The following HSPA12A variants were observed in gnomAD, a reference collection of about 807,000 sequenced individuals.
The protein encoded by HSPA12A is heat shock 70 kDa protein 12A.
A neutral mutation model predicts 69.2 loss-of-function variants in HSPA12A; 28 were observed. The ratio of observed to expected loss-of-function variants is 0.40; its 90% CI spans 0.30 to 0.55. HSPA12A has a LOEUF of 0.55. HSPA12A is among the 20% of genes least tolerant of loss of function. The pLI is 0.38. For missense variants in HSPA12A, 686 were observed against 900.7 expected, an observed-to-expected ratio of 0.76 and a Z score of 3.05; for synonymous variants, 345 against 370.5, an observed-to-expected ratio of 0.93 and a Z score of 0.79.
Position 116,675,118 on chromosome 10 carries a change from C to T in HSPA12A, c.1691G>A (p.Cys564Tyr). 6.2e-7 allele frequency: 1 copy of T among 1,613,890 alleles called. No homozygotes were observed. The highest frequency in any genetic ancestry group is 8.5e-7 in the Non-Finnish European group (1 of 1,180,006). The change falls in exon 12 of 12, where the codon TGC (cysteine) becomes TAC (tyrosine). Residue 564 changes from cysteine to tyrosine, a missense_variant. Physicochemically the swap from Cys to Tyr is radical, Grantham distance 194 (BLOSUM62 -2). Coordinates refer to ENST00000369209, the MANE Select transcript of HSPA12A (RefSeq NM_025015.3). This position sits in a 1 kb window ranked among gnomAD's most constrained non-coding sequence, Gnocchi z 5.2. ...KLLVKDGTRWCTDVFDKFISA... is the reference protein window; with the variant it reads ...KLLVKDGTRWYTDVFDKFISA... ...GATGAACTTGTCAAAGACGTCGGTGCACCACCGAGTGCCATCCTTCACCAG... is the reference window on the plus strand; with the variant it reads ...GATGAACTTGTCAAAGACGTCGGTGTACCACCGAGTGCCATCCTTCACCAG...
In HSPA12A at chr10:116,798,829, C is replaced by T. The variant is rs374976851; in HGVS notation, c.91+36106G>A. Reference sequence around the variant, plus strand: ...TCTTTGAACTGGAACTAAATCCATACGGTTTCTCCAATTATTGTCTTGGAA... The same window carrying T: ...TCTTTGAACTGGAACTAAATCCATATGGTTTCTCCAATTATTGTCTTGGAA... On this transcript the variant is annotated intron_variant, in intron 2 of 12. Transcript: ENST00000635765. Among the ~76,000 whole-genome samples, 256 of 152,264 alleles carry T rather than the reference C, an allele frequency of 1.7e-3. 2 individuals are homozygous for T. Among genetic ancestry groups the T allele is most frequent in the African/African-American group, 5.7e-3 (236 of 41,544 alleles).
chr10:116,778,755 C>T (rs996275092), intron 2 of HSPA12A, among the ~76,000 whole-genome samples: 13 of 151,952 alleles, frequency 8.6e-5, no homozygotes, highest in African/African-American at 3.1e-4. Context: ...TGATGGGACC[C>T]GCTATGAAAA....
At position 116,701,267 on chromosome 10, in the gene HSPA12A, A is replaced by G. The variant is rs1850070458; in HGVS notation, c.255-138T>C. The stretch of plus-strand genomic sequence containing the variant: ...GGCACTCTGCTTCAGCTGGATGAGC[A>G]GCTACTAGAGACACAACTTCAGTTA... On this transcript the variant is annotated intron_variant, in intron 3 of 11. Coordinates refer to ENST00000369209, the MANE Select transcript of HSPA12A (RefSeq NM_025015.3). 5 of 732,928 alleles carry G rather than the reference A, an allele frequency of 6.8e-6. 1 individual carries two copies. In the South Asian group the frequency reaches 9.2e-5, roughly 13 times the overall value. 45.4% of individuals were successfully genotyped at this position (732,928 alleles called of 1,614,324 possible).
At chr10:116,849,614 G>A in exon 1 of HSPA12A, 1 of 1,550,016 alleles carries the variant, frequency 6.5e-7, no homozygotes, top group South Asian at 1.2e-5. Flanking sequence ...CTAGGGAGCT[G>A]CAGAAGCTGA....
intron 1 of HSPA12A, among the ~76,000 whole-genome samples, chr10:116,739,053 A>C (rs1156355327): frequency 5.9e-5 from 9 of 152,136 alleles, no homozygotes; most frequent in Non-Finnish European, 1.3e-4. Context: ...TACCATCTAC[A>C]GCTTGGTGGC....
chr10:116,756,567 G>A (rs1473308529), intron 2 of HSPA12A, among the ~76,000 whole-genome samples: 1 of 152,226 alleles, frequency 6.6e-6, no homozygotes, highest in Admixed American at 6.5e-5. Context: ...GCCCATGTGG[G>A]TGGGGCTCAC....
At position 116,672,717 on chromosome 10, in the gene HSPA12A, C is replaced by A. The variant is rs1249268755; in HGVS notation, c.*2064G>T. 1.3e-5 allele frequency: 2 copies of A among 152,592 alleles called. No individual in the cohort carries two copies. The highest frequency in any genetic ancestry group is 4.8e-5 in the African/African-American group (2 of 41,426). The allele number at this position is 152,592 out of a possible 1,614,324, so 9.5% of individuals were successfully genotyped here. On this transcript the variant is annotated 3_prime_UTR_variant, in exon 12 of 12. Transcript: ENST00000369209. ...GTACAATATTCTAACATTATATGTA[C>A]ATAAAATTATATTACTCATAACTAT...
At chr10:116,715,935 C>T (rs1173151543) in intron 1 of HSPA12A, among the ~76,000 whole-genome samples, 2 of 152,164 alleles carry the variant, frequency 1.3e-5, no homozygotes, top group Non-Finnish European at 2.9e-5. Context: ...TGAGGCTGGT[C>T]GGCCCAGTAG....
At chr10:116,773,260 G>A (rs1844253796) in intron 2 of HSPA12A, among the ~76,000 whole-genome samples, 1 of 152,260 alleles carries the variant, frequency 6.6e-6, no homozygotes, top group East Asian at 1.9e-4. Context: ...CCTGGGATGA[G>A]GCCCTGCTAA....
At chr10:116,712,714 C>A (rs781794061) in intron 1 of HSPA12A, among the ~76,000 whole-genome samples, 10 of 151,946 alleles carry the variant, frequency 6.6e-5, no homozygotes, top group African/African-American at 9.7e-5. Context: ...TGGCCGTGAG[C>A]AGAATCACAG....
chr10:116,765,960 T>C (rs1844068306), intron 2 of HSPA12A, among the ~76,000 whole-genome samples: 2 of 152,230 alleles, frequency 1.3e-5, no homozygotes, highest in Admixed American at 6.5e-5. Flanking sequence ...GTGGAACTGC[T>C]GCATTCCTCT....
At chr10:116,834,969 C>T (rs1177922336) in exon 2 of HSPA12A, 1 of 1,231,590 alleles carries the variant, frequency 8.1e-7, no homozygotes, top group Non-Finnish European at 1.0e-6. Context: ...AATCACACTT[C>T]ATTTTGTTCT....
chr10:116,685,065 C>A (rs74556329), intron 6 of HSPA12A, among the ~76,000 whole-genome samples: 1 of 152,228 alleles, frequency 6.6e-6, no homozygotes, highest in Non-Finnish European at 1.5e-5. Context: ...CGGAAGAACA[C>A]TTCATCCCTG....
chr10:116,715,261 C>A (rs782513009), intron 1 of HSPA12A, among the ~76,000 whole-genome samples: 1 of 152,128 alleles, frequency 6.6e-6, no homozygotes, highest in East Asian at 1.9e-4. Context: ...CTGACTGCCC[C>A]GGAGACCAAC....
chr10:116,748,603 G>A (rs1450486027), intron 2 of HSPA12A, among the ~76,000 whole-genome samples: 1 of 152,158 alleles, frequency 6.6e-6, no homozygotes, highest in Non-Finnish European at 1.5e-5. Flanking sequence ...GAGGTTTGAT[G>A]GACTCACAGT....
rs1157963573 is a variant in HSPA12A at position 116,672,683 on chromosome 10, C to T, written c.*2098G>A. The T allele has an allele frequency of 6.6e-6, 1 of 152,544 alleles. No individual in the cohort carries two copies. Among genetic ancestry groups the T allele is most frequent in the Non-Finnish European group, 1.5e-5 (1 of 68,032 alleles). 9.4% of individuals were successfully genotyped at this position (152,544 alleles called of 1,614,324 possible). A position where few individuals can be genotyped will look rare whatever the true frequency, so the allele number is the denominator to read the frequency against. ...AACAAGAAAAGCGCATCGTAGAAAC[C>T]AAGATTCTGTACAATATTCTAACAT... On this transcript the variant is annotated 3_prime_UTR_variant, in exon 12 of 12. Transcript: ENST00000369209.
intron 1 of HSPA12A, chr10:116,708,099 G>A (rs1223728670): frequency 2.6e-5 from 4 of 152,142 alleles, no homozygotes; most frequent in Non-Finnish European, 5.9e-5. Context: ...TCTGCCCCAG[G>A]AATGGGCCCC....
chr10:116,676,313 C>T, intron 11 of HSPA12A, 86 bp downstream of exon 11: 1 of 1,157,020 alleles, frequency 8.6e-7, no homozygotes, highest in Non-Finnish European at 1.3e-6. Context: ...AACCTGACTC[C>T]ACAGGCACCA....
intron 1 of HSPA12A, among the ~76,000 whole-genome samples, chr10:116,722,728 G>A (rs1850818586): frequency 6.6e-6 from 1 of 152,112 alleles, no homozygotes; most frequent in African/African-American, 2.4e-5. Flanking sequence ...GAGATCTCAG[G>A]CCAAAACATA....
Sources: gnomAD v4.1 joint callset for allele counts (sites outside exome capture counted in the v4.1 genomes callset) on GRCh38, gnomAD v4.1.1 for gene constraint, Gnocchi (gnomAD v3.1) non-coding constraint, MANE v1.5 for transcripts, NCBI Gene and HGNC (gene_info 2026-07-23, HGNC 2026-07-21) for gene names.